The following SLC1A2 variants were observed in gnomAD, a reference collection of about 807,000 sequenced individuals.
SLC1A2 encodes solute carrier family 1 member 2, also known as excitatory amino acid transporter 2.
In SLC1A2, 15 loss-of-function variants were observed where a neutral mutation model predicts 48.8. The observed-to-expected ratio is 0.31, with a 90% CI of 0.21 to 0.47. SLC1A2 has a LOEUF of 0.47. Ranked by LOEUF, SLC1A2 falls within the 20% of genes least tolerant of loss-of-function variation. The pLI is 0.99. For synonymous variants in SLC1A2, 279 were observed against 272.6 expected (o/e 1.02, Z -0.23); for missense variants, 502 against 730.5 (o/e 0.69, Z 3.61).
At chr11:35,381,119 T>TTG (rs1386784373) in intron 1 of SLC1A2, among the ~76,000 whole-genome samples, 1 of 152,170 alleles carries the variant, frequency 6.6e-6, no homozygotes, top group Non-Finnish European at 1.5e-5. Flanking sequence ...TTGTTTCTTT[T>TTG]CTCTTATTTT....
intron 4 of SLC1A2, chr11:35,306,949 G>A (rs1851530285): frequency 6.6e-6 from 1 of 152,194 alleles, no homozygotes; most frequent in Non-Finnish European, 1.5e-5. Flanking sequence ...TTAAACTTGG[G>A]GGATAAATGT....
chr11:35,374,313 G>T, intron 1 of SLC1A2: 1 of 1,052,136 alleles, frequency 9.5e-7, no homozygotes, highest in African/African-American at 1.6e-5. Flanking sequence ...CTCTCCAGAA[G>T]AGTGGAAATG....
chr11:35,380,695 CT>C (rs1565290203), intron 1 of SLC1A2, among the ~76,000 whole-genome samples: 1 of 152,214 alleles, frequency 6.6e-6, no homozygotes, highest in African/African-American at 2.4e-5. Context: ...GCGTGAGTTG[CT>C]GATTCTCCCT....
chr11:35,261,102 A>G (rs56290831), intron 10 of SLC1A2, 137 bp from the exon 11 acceptor site: 11,534 of 695,914 alleles, frequency 0.017, 139 homozygotes, highest in Middle Eastern at 0.024. Context: ...TTCTTTCCAA[A>G]TTGAATTTGA....
intron 1 of SLC1A2, among the ~76,000 whole-genome samples, chr11:35,351,855 C>T (rs1432986365): frequency 1.3e-5 from 2 of 152,130 alleles, no homozygotes; most frequent in Non-Finnish European, 2.9e-5. Context: ...AGGCTGGTCT[C>T]AAACTCCTGA....
chr11:35,263,215 C>A (rs1950422523), intron 10 of SLC1A2, among the ~76,000 whole-genome samples: 1 of 152,166 alleles, frequency 6.6e-6, no homozygotes, highest in African/African-American at 2.4e-5. Context: ...CCTGTAATCC[C>A]AGCACCTTGG....
At chr11:35,274,983 C>G (rs550421179) in intron 9 of SLC1A2, among the ~76,000 whole-genome samples, 1 of 152,158 alleles carries the variant, frequency 6.6e-6, no homozygotes, top group Non-Finnish European at 1.5e-5. Context: ...TTTCCTTCTC[C>G]GTCTCTAGTT....
At chr11:35,333,651 A>C (rs2134996562) in intron 1 of SLC1A2, among the ~76,000 whole-genome samples, 1 of 151,342 alleles carries the variant, frequency 6.6e-6, no homozygotes, top group African/African-American at 2.4e-5. Context: ...TAATCATGTA[A>C]GTTTTTCTTT....
In SLC1A2 at chr11:35,292,531, CA is replaced by C; in HGVS notation, c.858-12del. ...CCCAGGGGAGAGTACCTGAAAAACA[CA>C]AAAGGGAAAAACAGCATTGAAGAGA... On this transcript the variant is annotated splice_polypyrimidine_tract_variant and intron_variant, in intron 6 of 10. Transcript: ENST00000278379. 1 of 1,568,814 alleles carries C rather than the reference CA, an allele frequency of 6.4e-7. No individual in the cohort carries two copies. The highest frequency in any genetic ancestry group is 8.8e-7 in the Non-Finnish European group (1 of 1,140,690).
intron 9 of SLC1A2, among the ~76,000 whole-genome samples, chr11:35,272,648 C>T (rs1850313243): frequency 6.6e-6 from 1 of 152,240 alleles, no homozygotes. Context: ...AATCATCCCT[C>T]ACCACTCAGG....
intron 9 of SLC1A2, among the ~76,000 whole-genome samples, chr11:35,275,393 C>T (rs375354660): frequency 6.6e-5 from 10 of 152,238 alleles, no homozygotes; most frequent in African/African-American, 2.2e-4. Context: ...CTGGTATTGG[C>T]TCCCATTTAC....
chr11:35,408,524 C>T (rs959555301), intron 1 of SLC1A2, among the ~76,000 whole-genome samples: 1 of 152,178 alleles, frequency 6.6e-6, no homozygotes, highest in Admixed American at 6.5e-5. Flanking sequence ...GTAAGAAATG[C>T]CTTTCACCTC....
intron 1 of SLC1A2, among the ~76,000 whole-genome samples, chr11:35,352,884 G>A (rs180993638): frequency 1.8e-3 from 276 of 152,320 alleles, no homozygotes; most frequent in African/African-American, 6.4e-3. Flanking sequence ...TATCAATGTG[G>A]TGGGGAAGCA....
intron 7 of SLC1A2, among the ~76,000 whole-genome samples, chr11:35,290,036 A>G (rs1357851215): frequency 1.3e-5 from 2 of 152,208 alleles, no homozygotes; most frequent in Non-Finnish European, 2.9e-5. Flanking sequence ...TTTTCACCCA[A>G]TAGGACTGGA....
chr11:35,418,821 C>A (rs115331427), intron 1 of SLC1A2, 129 bp downstream of exon 1: 3 of 764,014 alleles, frequency 3.9e-6, no homozygotes, highest in Non-Finnish European at 4.5e-6. Flanking sequence ...CCATCCCCAG[C>A]CAAGCTACGG....
Position 35,312,415 on chromosome 11 carries a change from C to T in SLC1A2, c.344G>A (p.Arg115His), listed in dbSNP as rs200754925. The T allele has an allele frequency of 5.3e-5, 86 of 1,614,074 alleles. No homozygotes were observed. Among genetic ancestry groups the T allele is most frequent in the Non-Finnish European group, 6.1e-5 (72 of 1,179,956 alleles). ...ATACACCATGGCTCTCGTGCCCAAG[C>T]GGCCACTAGCCTTAGCATCCAGGCC... ...LSGLDAKASG[R>H]LGTRAMVYYM... Residue 115 changes from arginine (R) to histidine (H), a missense_variant, in exon 4 of 11, where the codon CGC becomes CAC. Arg to His is a conservative substitution (Grantham distance 29, BLOSUM62 0). This residue lies in a region of SLC1A2 where 309 missense variants were observed against 480.3 expected (regional missense o/e 0.64). Coordinates refer to ENST00000278379, the MANE Select transcript of SLC1A2 (RefSeq NM_004171.4).
chr11:35,292,602 A>G, intron 6 of SLC1A2, 82 bp from the exon 7 acceptor site: 1 of 751,596 alleles, frequency 1.3e-6, no homozygotes. Context: ...CCGCACACTG[A>G]GGAAAACGCT....
Position 35,407,417 on chromosome 11 carries a change from T to C in SLC1A2, c.17+11533A>G, listed in dbSNP as rs180870948. Among the ~76,000 whole-genome samples, 380 of 152,330 alleles carry C rather than the reference T, an allele frequency of 2.5e-3. 3 individuals carry two copies. The highest frequency in any genetic ancestry group is 8.7e-3 in the African/African-American group (363 of 41,586). On this transcript the variant is annotated intron_variant, in intron 1 of 10. Transcript: ENST00000278379. The stretch of plus-strand genomic sequence containing the variant: ...TAATTCAAGACCTCCTCTTCATTAA[T>C]CAAGCCCTTCCCTTAGCAGATGAAC...
chr11:35,371,171 C>T, intron 1 of SLC1A2: 3 of 625,790 alleles, frequency 4.8e-6, no homozygotes, highest in Non-Finnish European at 6.0e-6. Flanking sequence ...TTGTCTCACC[C>T]ACTGTTGAAA....
Sources: allele counts gnomAD v4.1 joint callset (sites outside exome capture counted in the v4.1 genomes callset), GRCh38; gene constraint gnomAD v4.1.1; regional missense constraint gnomAD v4.1.1; transcripts MANE v1.5; gene names NCBI Gene and HGNC (gene_info 2026-07-23, HGNC 2026-07-21).